WIPF1: variants seen among roughly 807,000 people sequenced by gnomAD.
WIPF1 encodes the protein WAS/WASL interacting protein family member 1.
A neutral mutation model predicts 35.4 loss-of-function variants in WIPF1; 13 were observed. The ratio of observed to expected loss-of-function variants is 0.37; its 90% CI spans 0.24 to 0.58. The LOEUF is 0.58. Among genes scored for constraint, WIPF1 ranks in the 20% least tolerant of loss-of-function variants. The pLI is 0.74. For missense variants in WIPF1, 591 were observed against 667.0 expected (o/e 0.89, Z 1.25); for synonymous variants, 267 against 266.3 (o/e 1.00, Z -0.02).
chr2:174,572,491 T>G (rs770682404), intron 4 of WIPF1, 45 bp from the exon 5 acceptor site: 60 of 1,610,894 alleles, frequency 3.7e-5, no homozygotes, highest in Admixed American at 2.0e-4. Flanking sequence ...TCAGGAACCC[T>G]GAAGAAATCA....
chr2:174,674,310 AT>A (rs1688083773), intron 1 of WIPF1, among the ~76,000 whole-genome samples: 1 of 152,198 alleles, frequency 6.6e-6, no homozygotes, highest in Non-Finnish European at 1.5e-5. Flanking sequence ...TTGTCTTCAG[AT>A]TTTTGGATTC....
intron 4 of WIPF1, 140 bp from the exon 5 acceptor site, chr2:174,572,586 G>T: frequency 8.3e-7 from 1 of 1,202,414 alleles, no homozygotes; most frequent in Non-Finnish European, 1.1e-6. Flanking sequence ...ATATAAATTG[G>T]GTTTTGTTGG....
intron 1 of WIPF1, among the ~76,000 whole-genome samples, chr2:174,607,661 G>A (rs574795088): frequency 6.6e-6 from 1 of 151,742 alleles, no homozygotes; most frequent in African/African-American, 2.4e-5. Context: ...CCATCTCTTT[G>A]CCTTAGGGAT....
chr2:174,639,573 GT>G (rs896854664), intron 1 of WIPF1, among the ~76,000 whole-genome samples: 1 of 151,322 alleles, frequency 6.6e-6, no homozygotes, highest in African/African-American at 2.4e-5. Flanking sequence ...TTTGTTTTTG[GT>G]TTTTTTTGCT....
At chr2:174,569,894 C>T (rs1402663006) in intron 5 of WIPF1, among the ~76,000 whole-genome samples, 1 of 152,158 alleles carries the variant, frequency 6.6e-6, no homozygotes, top group Admixed American at 6.6e-5. Context: ...TACACAGGGC[C>T]TTTGATGAAC....
At chr2:174,625,157 T>C (rs1177558671) in intron 1 of WIPF1, among the ~76,000 whole-genome samples, 1 of 152,150 alleles carries the variant, frequency 6.6e-6, no homozygotes, top group African/African-American at 2.4e-5. Context: ...TCTGTGCAAC[T>C]GAGGGTTGAG....
intron 1 of WIPF1, among the ~76,000 whole-genome samples, chr2:174,621,524 T>C (rs1438364503): frequency 1.3e-5 from 2 of 151,454 alleles, no homozygotes; most frequent in Admixed American, 6.6e-5. Context: ...GCCCACACAC[T>C]TGGATACTTC....
chr2:174,677,420 A>C (rs1688157900), intron 1 of WIPF1, among the ~76,000 whole-genome samples: 1 of 152,244 alleles, frequency 6.6e-6, no homozygotes, highest in Non-Finnish European at 1.5e-5. Context: ...AGAGCTTACA[A>C]TCTAACAAGG....
At position 174,571,714 on chromosome 2, in the gene WIPF1, C is replaced by G. The variant is rs749899681; in HGVS notation, c.1091G>C (p.Arg364Thr). The change falls in exon 5 of 8, where the codon AGA becomes ACA. Residue 364 changes from arginine (R) to threonine (T), a missense_variant. By Grantham distance (71) the Arg-to-Thr change is moderately conservative. This residue lies in a region of WIPF1 where 471 missense variants were observed against 501.1 expected (regional missense o/e 0.94). Coordinates refer to ENST00000679041, the MANE Select transcript of WIPF1 (RefSeq NM_001375834.1). This position sits in a 1 kb window ranked among gnomAD's most constrained non-coding sequence, Gnocchi z 4.6. The stretch of plus-strand genomic sequence containing the variant: ...CGGGTCCCTCACTGGAGGTGGGGGT[C>G]TCTCACTGGGCGGGGGAGGAAGAGG... ...SGPLPPPPSE[R>T]PPPPVRDPPG... is the part of the protein sequence containing the mutation. The G allele has an allele frequency of 5.6e-6, 9 of 1,614,000 alleles. No homozygotes were observed. In the African/African-American group the frequency reaches 6.7e-5, roughly 12 times the overall value.
Position 174,562,332 on chromosome 2 carries a change from T to G in WIPF1, c.*215A>C. 6.7e-7 allele frequency: 1 copy of G among 1,485,372 alleles called. No individual in the cohort carries two copies. The highest frequency in any genetic ancestry group is 9.0e-7 in the Non-Finnish European group (1 of 1,116,162). 92.0% of individuals were successfully genotyped at this position (1,485,372 alleles called of 1,614,324 possible). A position where few individuals can be genotyped will look rare whatever the true frequency, so the allele number is the denominator to read the frequency against. On this transcript the variant is annotated 3_prime_UTR_variant, in exon 8 of 8. Coordinates refer to ENST00000679041, the MANE Select transcript of WIPF1 (RefSeq NM_001375834.1). ...GCAGCCAGCACAGGCAGGCTGCAGC[T>G]GAAGCAAGCAATAGCCTGGAGAATA...
chr2:174,566,897 T>C (rs1003864719), intron 7 of WIPF1, 173 bp downstream of exon 7: 7 of 584,378 alleles, frequency 1.2e-5, no homozygotes, highest in Admixed American at 3.2e-5. Context: ...ATATGCATTC[T>C]GGGCATCTGC....
chr2:174,594,676 T>TTC lies in WIPF1; in HGVS notation c.-39+2923_-39+2924dup, dbSNP rs556049999. Among the ~76,000 whole-genome samples, 439 of 78,136 alleles carry TTC rather than the reference T, an allele frequency of 5.6e-3. 100 individuals are homozygous for TTC. Among genetic ancestry groups the TTC allele is most frequent in the Non-Finnish European group, 0.013 (390 of 30,736 alleles). The allele number at this position is 78,136 out of a possible 152,430, so 51.3% of individuals were successfully genotyped here. On this transcript the variant is annotated intron_variant, in intron 1 of 7. Transcript: ENST00000679041. The stretch of plus-strand genomic sequence containing the variant: ...CCAGAGGATTAAGATGTGCCACTGT[T>TTC]TCTCTCTCTCTCTTTCTCTCTCTCT...
At chr2:174,661,002 C>A (rs904287031) in intron 1 of WIPF1, among the ~76,000 whole-genome samples, 5 of 152,244 alleles carry the variant, frequency 3.3e-5, no homozygotes, top group African/African-American at 7.2e-5. Flanking sequence ...ATGTCCAAGG[C>A]CTCACAGCCT....
intron 1 of WIPF1, among the ~76,000 whole-genome samples, chr2:174,646,156 T>C (rs1289362606): frequency 1.3e-5 from 2 of 152,204 alleles, no homozygotes; most frequent in Non-Finnish European, 1.5e-5. Flanking sequence ...TCTCTCGTTA[T>C]GGAGATTGGT....
intron 1 of WIPF1, among the ~76,000 whole-genome samples, chr2:174,655,320 A>G (rs1687618507): frequency 6.6e-6 from 1 of 152,080 alleles, no homozygotes; most frequent in Non-Finnish European, 1.5e-5. Context: ...CTCCGTTCTT[A>G]GTATGCTATA....
At chr2:174,600,689 G>C (rs1298429229), upstream of WIPF1, among the ~76,000 whole-genome samples, 1 of 152,100 alleles carries the variant, frequency 6.6e-6, no homozygotes, top group Non-Finnish European at 1.5e-5. Flanking sequence ...GCTTGACACT[G>C]TCTTATTTAT....
chr2:174,660,350 T>C (rs1687732058), intron 1 of WIPF1, among the ~76,000 whole-genome samples: 1 of 152,196 alleles, frequency 6.6e-6, no homozygotes, highest in Non-Finnish European at 1.5e-5. Flanking sequence ...TGCTTCAGTT[T>C]CTCCATCTGT....
chr2:174,658,356 A>C (rs1687689486), intron 1 of WIPF1, among the ~76,000 whole-genome samples: 1 of 152,220 alleles, frequency 6.6e-6, no homozygotes. Flanking sequence ...AATTTTATTT[A>C]GTAGATATTT....
At chr2:174,669,911 A>G (rs1301810201) in intron 1 of WIPF1, among the ~76,000 whole-genome samples, 2 of 152,194 alleles carry the variant, frequency 1.3e-5, no homozygotes, top group East Asian at 1.9e-4. Flanking sequence ...TTTTAAAAAG[A>G]AATGAACTGT....
Sources: gnomAD v4.1 joint callset for allele counts (sites outside exome capture counted in the v4.1 genomes callset) on GRCh38, gnomAD v4.1.1 for gene constraint, gnomAD v4.1.1 regional missense constraint, Gnocchi (gnomAD v3.1) non-coding constraint, MANE v1.5 for transcripts, NCBI Gene and HGNC (gene_info 2026-07-23, HGNC 2026-07-21) for gene names.